RDX: variants seen among roughly 807,000 people sequenced by gnomAD.
RDX encodes the protein deafness, autosomal recessive 24.
A neutral mutation model predicts 83.7 loss-of-function variants in RDX; 32 were observed. The observed-to-expected ratio is 0.38, with a 90% CI of 0.29 to 0.51. The LOEUF is 0.51. Ranked by LOEUF, RDX falls within the 20% of genes least tolerant of loss-of-function variation. The probability of loss-of-function intolerance (pLI) is 0.87; values close to 1 mark genes in which losing one functional copy is unlikely to be tolerated. For missense variants in RDX, 600 were observed against 689.9 expected, an observed-to-expected ratio of 0.87 and a Z score of 1.46; for synonymous variants, 229 against 222.7, an observed-to-expected ratio of 1.03 and a Z score of -0.25.
At chr11:110,249,859 T>A (rs1379791780) in intron 9 of RDX, among the ~76,000 whole-genome samples, 1 of 152,120 alleles carries the variant, frequency 6.6e-6, no homozygotes, top group Non-Finnish European at 1.5e-5. Context: ...GGCAGGCAAC[T>A]GAGCAAGACC....
intron 9 of RDX, among the ~76,000 whole-genome samples, chr11:110,250,587 T>C (rs1859292237): frequency 6.6e-6 from 1 of 152,082 alleles, no homozygotes; most frequent in South Asian, 2.1e-4. Flanking sequence ...TGGTTTTATT[T>C]AGCTTTTCCC....
At chr11:110,188,996 A>G (rs1863045093) in intron 15 of RDX, among the ~76,000 whole-genome samples, 2 of 152,072 alleles carry the variant, frequency 1.3e-5, no homozygotes, top group South Asian at 4.1e-4. Flanking sequence ...AACCTCACAT[A>G]TCAACGTTAA....
intron 15 of RDX, among the ~76,000 whole-genome samples, chr11:110,176,135 G>T (rs1862769731): frequency 6.6e-6 from 1 of 151,178 alleles, no homozygotes; most frequent in Non-Finnish European, 1.5e-5. Context: ...GCCCAGGCTG[G>T]AGTGCAGTGG....
In RDX at chr11:110,211,785, A is replaced by C. The variant is rs1389784402; in HGVS notation, c.1749-12107T>G. Among the ~76,000 whole-genome samples the C allele has an allele frequency of 1.6e-4, 25 of 151,800 alleles. No homozygotes were observed. The South Asian group carries it at 2.1e-3, about 13-fold the overall frequency. On this transcript the variant is annotated intron_variant, in intron 14 of 15. Transcript: ENST00000528498. ...GAAATAAAGATGTTCTTTGAAACCAACGAGAACAAAGACACAACATACCAG... is the reference window on the plus strand; with the variant it reads ...GAAATAAAGATGTTCTTTGAAACCACCGAGAACAAAGACACAACATACCAG...
intron 2 of RDX, chr11:110,272,858 T>C: frequency 1.9e-6 from 1 of 530,154 alleles, no homozygotes. Context: ...GCTATAATAC[T>C]AGGAGATACT....
chr11:110,235,904 C>G (rs1287320386), intron 12 of RDX, among the ~76,000 whole-genome samples, 195 bp downstream of exon 12: 1 of 152,174 alleles, frequency 6.6e-6, no homozygotes, highest in Non-Finnish European at 1.5e-5. Flanking sequence ...CTCTGGTCCC[C>G]CAGAAATTAA....
chr11:110,275,576 T>C (rs1222077605), intron 2 of RDX, among the ~76,000 whole-genome samples: 1 of 152,188 alleles, frequency 6.6e-6, no homozygotes, highest in Non-Finnish European at 1.5e-5. Context: ...ATTTTTCTAT[T>C]GGGTTGTTTT....
At chr11:110,198,284 C>CAA (rs34264175) in intron 15 of RDX, among the ~76,000 whole-genome samples, 56,736 of 140,760 alleles carry the variant, frequency 0.4, 10,806 homozygotes, top group East Asian at 0.59. Flanking sequence ...TAGTCTCTGC[C>CAA]AAAAAAAAAA....
chr11:110,270,896 C>T (rs1007163921), intron 3 of RDX, among the ~76,000 whole-genome samples: 5 of 152,136 alleles, frequency 3.3e-5, no homozygotes, highest in African/African-American at 9.7e-5. Context: ...TTTCAATTTG[C>T]TATGAAGTAC....
At chr11:110,222,166 G>A (rs1295306021) in intron 14 of RDX, among the ~76,000 whole-genome samples, 1 of 152,112 alleles carries the variant, frequency 6.6e-6, no homozygotes, top group African/African-American at 2.4e-5. Context: ...TGAAAAATAA[G>A]AGGTGGCAGA....
intron 7 of RDX, among the ~76,000 whole-genome samples, chr11:110,256,957 C>A (rs541957230): frequency 3.4e-4 from 51 of 151,824 alleles, no homozygotes; most frequent in African/African-American, 1.2e-3. Context: ...AAGAATAATG[C>A]CTTAGGAAAA....
At chr11:110,252,269 C>T (rs1455247810) in intron 9 of RDX, among the ~76,000 whole-genome samples, 1 of 152,122 alleles carries the variant, frequency 6.6e-6, no homozygotes, top group African/African-American at 2.4e-5. Flanking sequence ...TTAAGTCTTC[C>T]ACTTCCATCT....
In RDX at chr11:110,279,676, CT is replaced by C; in HGVS notation, c.12+4del. On this transcript the variant is annotated splice_donor_region_variant and intron_variant, in intron 2 of 13. Coordinates refer to ENST00000645495, the MANE Select transcript of RDX (RefSeq NM_002906.4). Reference sequence around the variant, plus strand: ...ACACTGTCAAATGTAATAAAATACACTTACTGGTTTCGGCATTTTCTTTCTC... The same window carrying C: ...ACACTGTCAAATGTAATAAAATACACTACTGGTTTCGGCATTTTCTTTCTC... 6.6e-7 allele frequency: 1 copy of C among 1,525,606 alleles called. No homozygotes were observed. Among genetic ancestry groups the C allele is most frequent in the Non-Finnish European group, 9.1e-7 (1 of 1,101,406 alleles). 94.5% of individuals were successfully genotyped at this position (1,525,606 alleles called of 1,614,324 possible). A position where few individuals can be genotyped will look rare whatever the true frequency, so the allele number is the denominator to read the frequency against.
rs1333240318 is a variant in RDX, at chr11:110,224,021, A to G, written c.1748+7852T>C. Among the ~76,000 whole-genome samples, 6 of 152,178 alleles carry G rather than the reference A, an allele frequency of 3.9e-5. No individual in the cohort carries two copies. The East Asian group carries it at 7.7e-4, about 20-fold the overall frequency. On this transcript the variant is annotated intron_variant, in intron 14 of 15. Coordinates refer to the RDX transcript ENST00000528498. ...GCCTGGGCAACAAGAGTGAAACTCC[A>G]TCTCAAAAAACAAAAAAAAAGAAAA...
chr11:110,264,458 CT>C (rs1330190173), intron 4 of RDX, among the ~76,000 whole-genome samples: 5 of 152,174 alleles, frequency 3.3e-5, no homozygotes, highest in East Asian at 1.9e-4. Context: ...AAATTGAAAA[CT>C]TTTTTTCATA....
chr11:110,259,620 G>A (rs1216999097), intron 5 of RDX, among the ~76,000 whole-genome samples: 2 of 152,044 alleles, frequency 1.3e-5, no homozygotes, highest in Non-Finnish European at 2.9e-5. Context: ...CTTGCTTTTG[G>A]GGAGAAGAGT....
chr11:110,295,308 TAA>T (rs200732024), intron 1 of RDX, among the ~76,000 whole-genome samples: 12 of 127,320 alleles, frequency 9.4e-5, no homozygotes, highest in African/African-American at 1.2e-4. Flanking sequence ...TTTAGTGTTC[TAA>T]AAAAAAAAAA....
chr11:110,223,284 T>C (rs1591123844), intron 14 of RDX, among the ~76,000 whole-genome samples: 2 of 151,404 alleles, frequency 1.3e-5, no homozygotes, highest in Admixed American at 1.3e-4. Flanking sequence ...ACCCGGGAGG[T>C]GGAGCTTGCA....
intron 1 of RDX, among the ~76,000 whole-genome samples, chr11:110,293,837 C>A (rs968587771): frequency 6.6e-6 from 1 of 152,164 alleles, no homozygotes; most frequent in Non-Finnish European, 1.5e-5. Flanking sequence ...TTTTCACAAC[C>A]TTAATAAAAC....
Sources: gnomAD v4.1 joint callset for allele counts (sites outside exome capture counted in the v4.1 genomes callset) on GRCh38, gnomAD v4.1.1 for gene constraint, MANE v1.5 for transcripts, NCBI Gene and HGNC (gene_info 2026-07-23, HGNC 2026-07-21) for gene names.